Variants in KIF14 observed in about 807,000 individuals in gnomAD.
KIF14 encodes kinesin-like protein KIF14.
Under a neutral mutation model 176.2 loss-of-function variants are expected in KIF14, and 98 were observed. The ratio of observed to expected loss-of-function variants is 0.56; its 90% confidence interval spans 0.47 to 0.66. The LOEUF (loss-of-function observed/expected upper bound fraction) is 0.66, where lower values mean the gene tolerates loss of function less well. KIF14 is among the 30% of genes least tolerant of loss of function. KIF14 has a pLI of 0.00. For synonymous variants in KIF14, 566 were observed against 632.2 expected, an observed-to-expected ratio of 0.90 and a Z score of 1.57; for missense variants, 1,751 against 1,920.4, an observed-to-expected ratio of 0.91 and a Z score of 1.65.
intron 23 of KIF14, among the ~76,000 whole-genome samples, chr1:200,566,502 A>G (rs1047010267): frequency 3.3e-5 from 5 of 151,732 alleles, no homozygotes; most frequent in African/African-American, 1.2e-4. Flanking sequence ...CTGAGGCAGG[A>G]GAATTGCTTG....
At chr1:200,572,773 C>T (rs1657881807) in intron 22 of KIF14, among the ~76,000 whole-genome samples, 1 of 152,174 alleles carries the variant, frequency 6.6e-6, no homozygotes, top group South Asian at 2.1e-4. Context: ...CAAAGATATT[C>T]ATAAATCATT....
chr1:200,562,482 C>T (rs890375586), intron 25 of KIF14, among the ~76,000 whole-genome samples: 3 of 152,198 alleles, frequency 2.0e-5, no homozygotes, highest in East Asian at 1.9e-4. Context: ...TGCCCAAGGA[C>T]GCACAACTAA....
intron 6 of KIF14, among the ~76,000 whole-genome samples, chr1:200,606,097 C>T (rs1357187688): frequency 2.6e-5 from 4 of 152,006 alleles, no homozygotes; most frequent in African/African-American, 9.7e-5. Context: ...TTAATTTTAA[C>T]AAAAAGTATG....
intron 14 of KIF14, 134 bp from the exon 15 acceptor site, chr1:200,593,903 A>G (rs569238422): frequency 4.4e-6 from 2 of 452,318 alleles, no homozygotes; most frequent in Admixed American, 7.9e-5. Flanking sequence ...AATAATTTAA[A>G]ATTATTTTAT....
chr1:200,555,463 A>C lies in KIF14; in HGVS notation c.4354-9T>G. 1 of 1,425,894 alleles carries C rather than the reference A, an allele frequency of 7.0e-7. No homozygotes were observed. Among genetic ancestry groups the C allele is most frequent in the Non-Finnish European group, 9.6e-7 (1 of 1,041,896 alleles). The allele number at this position is 1,425,894 out of a possible 1,614,324, so 88.3% of individuals were successfully genotyped here. A position where few individuals can be genotyped will look rare whatever the true frequency, so the allele number is the denominator to read the frequency against. ...TTCATTTCTTTGGTAACCTATAGAG[A>C]ATGTTAAAATATTTTATTATACTTT... On this transcript the variant is annotated splice_polypyrimidine_tract_variant and intron_variant, in intron 27 of 29. Coordinates refer to ENST00000367350, the MANE Select transcript of KIF14 (RefSeq NM_014875.3).
At chr1:200,584,855 C>G (rs1658651259) in intron 19 of KIF14, among the ~76,000 whole-genome samples, 1 of 152,036 alleles carries the variant, frequency 6.6e-6, no homozygotes, top group South Asian at 2.1e-4. Context: ...ACAAAACCAG[C>G]TGGGCAAGAA....
At chr1:200,556,576 G>A (rs1330642959) in intron 27 of KIF14, among the ~76,000 whole-genome samples, 2 of 152,172 alleles carry the variant, frequency 1.3e-5, no homozygotes, top group Non-Finnish European at 1.5e-5. Context: ...TATACAGGAT[G>A]GGCCTGGCCC....
chr1:200,595,140 A>C (rs889661344), intron 14 of KIF14, among the ~76,000 whole-genome samples: 1 of 152,216 alleles, frequency 6.6e-6, no homozygotes, highest in Admixed American at 6.5e-5. Flanking sequence ...CCTTCCAGAT[A>C]GGACATCCTC....
At chr1:200,594,094 C>G (rs1010644189) in intron 14 of KIF14, among the ~76,000 whole-genome samples, 8 of 151,776 alleles carry the variant, frequency 5.3e-5, no homozygotes, top group African/African-American at 1.9e-4. Context: ...CCATGCCCTG[C>G]CCAGCTAATG....
chr1:200,596,689 C>A (rs1275946249), intron 14 of KIF14, among the ~76,000 whole-genome samples: 1 of 150,222 alleles, frequency 6.7e-6, no homozygotes, highest in Non-Finnish European at 1.5e-5. Context: ...CTCAGCCTCC[C>A]AAGTAGCTGA....
In KIF14 at chr1:200,618,354, G is replaced by A. The variant is rs372947659; in HGVS notation, c.370C>T (p.Arg124Cys). ...TTTTCTGCAGAATCTGTTTTAGCAC[G>A]ACGTTGTAATGTAAGACGTGTTTCT... ...TAETRLTLQR[R>C]AKTDSAEKWK... The change falls in exon 2 of 30, where the codon CGT (arginine) becomes TGT (cysteine). Residue 124 changes from arginine (R) to cysteine (C), a missense_variant. Coordinates refer to ENST00000367350, the MANE Select transcript of KIF14 (RefSeq NM_014875.3). The A allele has an allele frequency of 1.4e-4, 221 of 1,613,878 alleles. No homozygotes were observed. The highest frequency in any genetic ancestry group is 1.7e-4 in the Non-Finnish European group (202 of 1,180,030).
intron 8 of KIF14, 46 bp from the exon 9 acceptor site, chr1:200,604,001 A>G: frequency 4.3e-6 from 5 of 1,149,640 alleles, no homozygotes; most frequent in Non-Finnish European, 6.6e-6. Context: ...ATTACTTCCA[A>G]TCAATATAGG....
intron 27 of KIF14, among the ~76,000 whole-genome samples, chr1:200,556,548 T>G (rs1217783067): frequency 6.6e-6 from 1 of 152,218 alleles, no homozygotes; most frequent in Non-Finnish European, 1.5e-5. Flanking sequence ...AAGGAGGGTA[T>G]GCAGATAGGG....
At position 200,586,192 on chromosome 1, in the gene KIF14, A is replaced by C; in HGVS notation, c.3150T>G (p.Ile1050Met). 6.2e-7 allele frequency: 1 copy of C among 1,600,360 alleles called. No homozygotes were observed. Among genetic ancestry groups the C allele is most frequent in the Non-Finnish European group, 8.5e-7 (1 of 1,171,170 alleles). ...GCTTTTCAGTTTCTAAAGCTTCCAGAATTCTTGCATGGCGGATGCTATGGT... is the reference window on the plus strand; with the variant it reads ...GCTTTTCAGTTTCTAAAGCTTCCAGCATTCTTGCATGGCGGATGCTATGGT... The part of the protein sequence containing the change: ...LEDHSIRHAR[I>M]LEALETEKQK... Residue 1050 changes from isoleucine to methionine, a missense_variant, in exon 19 of 30, where the codon ATT becomes ATG. Coordinates refer to ENST00000367350, the MANE Select transcript of KIF14 (RefSeq NM_014875.3).
intron 16 of KIF14, among the ~76,000 whole-genome samples, chr1:200,590,692 A>C (rs1208176105): frequency 6.6e-6 from 1 of 152,210 alleles, no homozygotes; most frequent in Non-Finnish European, 1.5e-5. Flanking sequence ...ATAATAAAAC[A>C]TTTCTGGAGA....
rs1656535189 is a variant in KIF14, at chr1:200,551,559, C to T, written c.*1829G>A. The stretch of plus-strand genomic sequence containing the variant: ...CTTTATAACATTTCTTGTCAGTGCA[C>T]ATAATTCCAATAGCAAATATTTTTT... On this transcript the variant is annotated 3_prime_UTR_variant, in exon 30 of 30. Transcript: ENST00000367350. The T allele has an allele frequency of 6.6e-6, 1 of 152,146 alleles. No homozygotes were observed. Among genetic ancestry groups the T allele is most frequent in the Non-Finnish European group, 1.5e-5 (1 of 68,020 alleles). The allele number at this position is 152,146 out of a possible 1,614,324, so 9.4% of individuals were successfully genotyped here.
intron 15 of KIF14, 57 bp from the exon 16 acceptor site, chr1:200,592,297 G>A (rs1003301631): frequency 4.9e-6 from 7 of 1,422,892 alleles, no homozygotes; most frequent in African/African-American, 2.9e-5. Flanking sequence ...AAAATTAAAT[G>A]AGAAAATTTA....
At chr1:200,559,906 C>T (rs1657039349) in intron 26 of KIF14, among the ~76,000 whole-genome samples, 1 of 152,104 alleles carries the variant, frequency 6.6e-6, no homozygotes, top group African/African-American at 2.4e-5. Flanking sequence ...AGGCACCTGC[C>T]ACCACACTCA....
chr1:200,570,333 A>G (rs1218523209), intron 22 of KIF14, among the ~76,000 whole-genome samples: 1 of 152,254 alleles, frequency 6.6e-6, no homozygotes, highest in African/African-American at 2.4e-5. Flanking sequence ...GCAAATAATT[A>G]CAGTAAAGTG....
Sources: gnomAD v4.1 joint callset for allele counts (sites outside exome capture counted in the v4.1 genomes callset) on GRCh38, gnomAD v4.1.1 for gene constraint, MANE v1.5 for transcripts, NCBI Gene and HGNC (gene_info 2026-07-23, HGNC 2026-07-21) for gene names.